PARD3: variants seen among roughly 807,000 people sequenced by gnomAD.
PARD3 encodes par-3 family cell polarity regulator.
In PARD3, 75 loss-of-function variants were observed where a neutral mutation model predicts 155.4. The ratio of observed to expected loss-of-function variants is 0.48; its 90% CI spans 0.40 to 0.58. The LOEUF (loss-of-function observed/expected upper bound fraction) is 0.58. Ranked by LOEUF, PARD3 falls within the 20% of genes least tolerant of loss-of-function variation. The pLI is 0.00. For synonymous variants in PARD3, 576 were observed against 610.5 expected (o/e 0.94, Z 0.83); for missense variants, 1,642 against 1,721.7 (o/e 0.95, Z 0.82).
chr10:34,691,128 A>G (rs905208148), intron 2 of PARD3, among the ~76,000 whole-genome samples: 14 of 152,198 alleles, frequency 9.2e-5, no homozygotes, highest in Non-Finnish European at 1.9e-4. Flanking sequence ...GGTGGCACCC[A>G]AATAGGAAGA....
intron 22 of PARD3, among the ~76,000 whole-genome samples, chr10:34,134,585 C>T (rs2132807448): frequency 6.6e-6 from 1 of 152,352 alleles, no homozygotes; most frequent in East Asian, 1.9e-4. Flanking sequence ...CTGGAAGTCA[C>T]TCCTGCCCTT....
intron 5 of PARD3, among the ~76,000 whole-genome samples, chr10:34,431,734 C>T (rs1244195615): frequency 1.3e-5 from 1 of 75,892 alleles, no homozygotes; most frequent in Non-Finnish European, 2.3e-5. Flanking sequence ...GAGCAAAACT[C>T]TGTCTCAAAA....
In PARD3 at chr10:34,769,867, A is replaced by ACG. The variant is rs1491093667; in HGVS notation, c.120+45008_120+45009insCG. 1.5e-3 allele frequency among the ~76,000 whole-genome samples: 45 copies of ACG among 30,322 alleles called. 1 individual carries two copies. The East Asian group carries it at 0.021, about 14-fold the overall frequency. 19.9% of individuals were successfully genotyped at this position (30,322 alleles called of 152,430 possible). A position where few individuals can be genotyped will look rare whatever the true frequency, so the allele number is the denominator to read the frequency against. ...AGTTATACACTTTTCTCAAATTCAT[A>ACG]CACACACACACACAATTATAACCAT... On this transcript the variant is annotated intron_variant, in intron 1 of 24. Transcript: ENST00000374788.
At chr10:34,412,517 T>C (rs1253828939) in intron 5 of PARD3, among the ~76,000 whole-genome samples, 2 of 152,206 alleles carry the variant, frequency 1.3e-5, no homozygotes, top group African/African-American at 2.4e-5. Flanking sequence ...TTACCAGAAA[T>C]GGTCTTGAGA....
At chr10:34,377,643 GA>G in intron 10 of PARD3, among the ~76,000 whole-genome samples, 1 of 151,502 alleles carries the variant, frequency 6.6e-6, no homozygotes, top group Admixed American at 6.6e-5. Context: ...AGATAACATG[GA>G]AAAAAGAGCT....
chr10:34,745,700 G>C (rs528243732), intron 1 of PARD3, among the ~76,000 whole-genome samples: 22 of 152,254 alleles, frequency 1.4e-4, no homozygotes, highest in African/African-American at 5.3e-4. Flanking sequence ...AGCACTTTGG[G>C]ATTACAAGTG....
intron 12 of PARD3, among the ~76,000 whole-genome samples, chr10:34,372,194 A>C (rs893174605): frequency 9.2e-5 from 14 of 151,970 alleles, no homozygotes; most frequent in African/African-American, 3.4e-4. Context: ...AGCATTTCAC[A>C]ACTCATGAAA....
intron 18 of PARD3, among the ~76,000 whole-genome samples, chr10:34,334,992 C>T (rs940365062): frequency 6.6e-6 from 1 of 151,778 alleles, no homozygotes; most frequent in Non-Finnish European, 1.5e-5. Flanking sequence ...GGTCCTTTAC[C>T]TGAGCAGCTC....
At chr10:34,176,746 A>G (rs1950048791) in intron 22 of PARD3, among the ~76,000 whole-genome samples, 3 of 152,212 alleles carry the variant, frequency 2.0e-5, no homozygotes, top group African/African-American at 7.2e-5. Context: ...ACTTAAAAAC[A>G]AACAAAAAAT....
At position 34,727,688 on chromosome 10, in the gene PARD3, T is replaced by G. The variant is rs531260476; in HGVS notation, c.121-31269A>C. On this transcript the variant is annotated intron_variant, in intron 1 of 24. Transcript: ENST00000374788. ...TGCTCCCGGTCTCTCATCTCTCCATTCCCAATCACACACACTGTTGCCAGA... is the reference window on the plus strand; with the variant it reads ...TGCTCCCGGTCTCTCATCTCTCCATGCCCAATCACACACACTGTTGCCAGA... 3.9e-5 allele frequency among the ~76,000 whole-genome samples: 6 copies of G among 152,150 alleles called. No homozygotes were observed. In the South Asian group the frequency reaches 1.2e-3, roughly 32 times the overall value.
chr10:34,234,395 G>A (rs888494006), intron 22 of PARD3, among the ~76,000 whole-genome samples: 9 of 152,026 alleles, frequency 5.9e-5, no homozygotes, highest in African/African-American at 1.4e-4. Flanking sequence ...GCTTTGCCTC[G>A]GTAGGTTCAT....
chr10:34,615,507 TACAA>T (rs772814471), intron 2 of PARD3, among the ~76,000 whole-genome samples: 23 of 152,150 alleles, frequency 1.5e-4, no homozygotes, highest in African/African-American at 4.8e-4. Context: ...CTGAAACTAC[TACAA>T]ACAAACACAG....
At chr10:34,691,441 A>G (rs1156920808) in intron 2 of PARD3, among the ~76,000 whole-genome samples, 1 of 152,228 alleles carries the variant, frequency 6.6e-6, no homozygotes, top group Non-Finnish European at 1.5e-5. Context: ...AAGAAACCAG[A>G]TATGATATAA....
intron 5 of PARD3, among the ~76,000 whole-genome samples, chr10:34,403,984 T>C (rs868681786): frequency 6.6e-6 from 1 of 152,282 alleles, no homozygotes; most frequent in Middle Eastern, 3.4e-3. Context: ...TATGTTGCAC[T>C]GTGAAACAGC....
At chr10:34,349,226 C>T (rs762388303) in intron 14 of PARD3, among the ~76,000 whole-genome samples, 32 of 152,120 alleles carry the variant, frequency 2.1e-4, no homozygotes, top group Non-Finnish European at 4.6e-4. Flanking sequence ...CCGTTAGAAG[C>T]TATCATCTGT....
At chr10:34,597,569 C>A (rs918889340) in intron 2 of PARD3, among the ~76,000 whole-genome samples, 1 of 152,156 alleles carries the variant, frequency 6.6e-6, no homozygotes, top group Non-Finnish European at 1.5e-5. Context: ...GCTGGGACCA[C>A]AGGCGTAAGC....
chr10:34,278,866 A>G (rs1192642650), intron 21 of PARD3, among the ~76,000 whole-genome samples: 2 of 152,230 alleles, frequency 1.3e-5, no homozygotes, highest in African/African-American at 4.8e-5. Flanking sequence ...ACTGACTAAT[A>G]AAACACTAGA....
chr10:34,612,906 A>G (rs984498831), intron 2 of PARD3, among the ~76,000 whole-genome samples: 3 of 152,252 alleles, frequency 2.0e-5, no homozygotes, highest in African/African-American at 4.8e-5. Context: ...CCAATCAAAT[A>G]AATAATGCTA....
intron 9 of PARD3, among the ~76,000 whole-genome samples, chr10:34,380,934 T>A (rs1168754374): frequency 6.6e-6 from 1 of 152,162 alleles, no homozygotes; most frequent in Admixed American, 6.6e-5. Flanking sequence ...GTCATTTAAG[T>A]AGAGCAAAAG....
Sources: gnomAD v4.1 joint callset for allele counts (sites outside exome capture counted in the v4.1 genomes callset) on GRCh38, gnomAD v4.1.1 for gene constraint, MANE v1.5 for transcripts, NCBI Gene and HGNC (gene_info 2026-07-23, HGNC 2026-07-21) for gene names.